The following CHRM3 variants were observed in gnomAD, a reference collection of about 807,000 sequenced individuals.
The protein encoded by CHRM3 is muscarinic acetylcholine receptor M3.
A neutral mutation model predicts 41.8 loss-of-function variants in CHRM3; 11 were observed. That is an observed-to-expected ratio of 0.26 (90% confidence interval 0.17 to 0.44). The LOEUF (loss-of-function observed/expected upper bound fraction) is 0.44. Ranked by LOEUF, CHRM3 falls within the 20% of genes least tolerant of loss-of-function variation. The pLI, the probability that CHRM3 is intolerant of heterozygous loss-of-function variation, is 1.00. For missense variants in CHRM3, 571 were observed against 745.4 expected, an observed-to-expected ratio of 0.77 and a Z score of 2.72; for synonymous variants, 297 against 301.4, an observed-to-expected ratio of 0.99 and a Z score of 0.15.
intron 2 of CHRM3, among the ~76,000 whole-genome samples, chr1:239,523,299 A>G (rs1232677011): frequency 1.3e-5 from 2 of 152,106 alleles, no homozygotes; most frequent in Non-Finnish European, 2.9e-5. Context: ...TACCTCACTA[A>G]ATTATCTCAA....
intron 5 of CHRM3, among the ~76,000 whole-genome samples, chr1:239,734,927 T>C (rs1262817634): frequency 2.0e-5 from 3 of 152,154 alleles, no homozygotes; most frequent in Non-Finnish European, 4.4e-5. Context: ...TTGGAAATTT[T>C]CCATTATTTA....
intron 5 of CHRM3, among the ~76,000 whole-genome samples, chr1:239,683,359 T>C (rs1658753510): frequency 6.6e-6 from 1 of 152,162 alleles, no homozygotes. Context: ...ATTCATCAGA[T>C]TAGAAGACTA....
chr1:239,424,743 A>G (rs1184034023), intron 1 of CHRM3, among the ~76,000 whole-genome samples: 1 of 152,194 alleles, frequency 6.6e-6, no homozygotes, highest in Non-Finnish European at 1.5e-5. Context: ...TCAATGGCCT[A>G]AAAGAAGGCT....
intron 5 of CHRM3, among the ~76,000 whole-genome samples, chr1:239,683,603 T>C (rs902759059): frequency 6.6e-6 from 1 of 152,208 alleles, no homozygotes; most frequent in Admixed American, 6.5e-5. Flanking sequence ...AATCGAGGCC[T>C]CTTATCTTTA....
intron 5 of CHRM3, among the ~76,000 whole-genome samples, chr1:239,708,898 C>T (rs113950866): frequency 4.0e-5 from 6 of 151,560 alleles, no homozygotes; most frequent in African/African-American, 1.5e-4. Context: ...CCTTAAGATC[C>T]CACTTTATTT....
At position 239,431,876 on chromosome 1, in the gene CHRM3, C is replaced by T. The variant is rs549783042; in HGVS notation, c.-521+44649C>T. Among the ~76,000 whole-genome samples the T allele has an allele frequency of 5.9e-5, 9 of 152,262 alleles. No individual in the cohort carries two copies. In the South Asian group the frequency reaches 8.3e-4, roughly 14 times the overall value. On this transcript the variant is annotated intron_variant, in intron 1 of 6. Transcript: ENST00000676153. Reference sequence around the variant, plus strand: ...TACTTCCCCTCGAGACTCAAGGAATCTTCTACTTAAATCTGCCAGAGCACT... The same window carrying T: ...TACTTCCCCTCGAGACTCAAGGAATTTTCTACTTAAATCTGCCAGAGCACT...
chr1:239,443,541 C>A (rs1304987760), intron 1 of CHRM3, among the ~76,000 whole-genome samples: 1 of 152,124 alleles, frequency 6.6e-6, no homozygotes, highest in Non-Finnish European at 1.5e-5. Flanking sequence ...AAAACTGCTG[C>A]TAGGATAAGA....
chr1:239,840,289 T>G (rs1673685372), intron 6 of CHRM3, among the ~76,000 whole-genome samples: 1 of 152,188 alleles, frequency 6.6e-6, no homozygotes, highest in Non-Finnish European at 1.5e-5. Flanking sequence ...ACTGTGTAAA[T>G]TAGAGCGTTA....
Position 239,463,055 on chromosome 1 carries a change from A to G in CHRM3, c.-520-29654A>G, listed in dbSNP as rs534600949. 6.6e-5 allele frequency among the ~76,000 whole-genome samples: 10 copies of G among 152,338 alleles called. No individual in the cohort carries two copies. In the South Asian group the frequency reaches 2.1e-3, roughly 32 times the overall value. ...ATTTTTATATTAAACCAGACTGTGT[A>G]TAACTAACTAATCGATTGAACAACA... On this transcript the variant is annotated intron_variant, in intron 1 of 6. Transcript: ENST00000676153.
intron 4 of CHRM3, among the ~76,000 whole-genome samples, chr1:239,645,061 G>A (rs1671620655): frequency 6.6e-6 from 1 of 152,194 alleles, no homozygotes; most frequent in Non-Finnish European, 1.5e-5. Context: ...GGGCAGAGCA[G>A]TCTATGGCTG....
At chr1:239,629,117 A>G (rs1197550939) in intron 3 of CHRM3, 3 of 133,478 alleles carry the variant, frequency 2.2e-5, no homozygotes, top group Admixed American at 7.6e-5. Flanking sequence ...GCCGCCTTGC[A>G]GTTTGATCTC....
chr1:239,547,974 T>A (rs981354347), intron 3 of CHRM3, among the ~76,000 whole-genome samples: 6 of 149,052 alleles, frequency 4.0e-5, no homozygotes, highest in Admixed American at 1.3e-4. Flanking sequence ...TTAAAATGAC[T>A]TTTTTTTTTC....
Position 239,770,582 on chromosome 1 carries a change from T to C in CHRM3, c.-146-56670T>C, listed in dbSNP as rs764301130. Among the ~76,000 whole-genome samples the C allele has an allele frequency of 6.6e-5, 10 of 152,230 alleles. No individual in the cohort carries two copies. The South Asian group carries it at 1.5e-3, about 22-fold the overall frequency. ...GCCTTAGCCACGTAGTCTGCAGTTA[T>C]GGGGAATGAAGGAAAGGACTGAGCG... On this transcript the variant is annotated intron_variant, in intron 5 of 6. Coordinates refer to ENST00000676153, the MANE Select transcript of CHRM3 (RefSeq NM_001375978.1).
At chr1:239,565,527 A>T (rs1228355414) in intron 3 of CHRM3, among the ~76,000 whole-genome samples, 1 of 152,200 alleles carries the variant, frequency 6.6e-6, no homozygotes, top group Non-Finnish European at 1.5e-5. Context: ...TTCTGTGCTA[A>T]TTAAACGTAG....
In CHRM3 at chr1:239,527,007, C is replaced by G. The variant is rs1281249328; in HGVS notation, c.-421-18634C>G. Reference sequence around the variant, plus strand: ...GCATAGTGGTGCATGCCTGTGGTCCCAGCTATACAGGAGGCTGAGGTGGGA... The same window carrying G: ...GCATAGTGGTGCATGCCTGTGGTCCGAGCTATACAGGAGGCTGAGGTGGGA... On this transcript the variant is annotated intron_variant, in intron 2 of 6. Transcript: ENST00000676153. Among the ~76,000 whole-genome samples, 4 of 152,188 alleles carry G rather than the reference C, an allele frequency of 2.6e-5. No homozygotes were observed. In the East Asian group the frequency reaches 7.7e-4, roughly 29 times the overall value.
intron 6 of CHRM3, chr1:239,886,511 C>A (rs1678085100): frequency 6.6e-6 from 1 of 152,118 alleles, no homozygotes; most frequent in Admixed American, 6.6e-5. Flanking sequence ...AACTTAATCC[C>A]TCTGTGTGTC....
chr1:239,552,765 G>A (rs1380028848), intron 3 of CHRM3, among the ~76,000 whole-genome samples: 6 of 151,360 alleles, frequency 4.0e-5, no homozygotes, highest in Non-Finnish European at 2.9e-5. Context: ...TTTTGGGATT[G>A]CAGGTGTGAG....
chr1:239,806,418 A>G (rs1670650690), intron 5 of CHRM3, among the ~76,000 whole-genome samples: 1 of 31,788 alleles, frequency 3.1e-5, no homozygotes, highest in Admixed American at 2.7e-4. Context: ...GGATGGAGTT[A>G]CACACACACA....
intron 1 of CHRM3, among the ~76,000 whole-genome samples, chr1:239,463,039 T>G (rs1303686425): frequency 6.6e-6 from 1 of 152,224 alleles, no homozygotes; most frequent in Non-Finnish European, 1.5e-5. Context: ...CATTTTTATA[T>G]TAAACCAGAC....
Sources: allele counts gnomAD v4.1 joint callset (sites outside exome capture counted in the v4.1 genomes callset), GRCh38; gene constraint gnomAD v4.1.1; transcripts MANE v1.5; gene names NCBI Gene and HGNC (gene_info 2026-07-23, HGNC 2026-07-21).